ASAP1: variants seen among roughly 807,000 people sequenced by gnomAD.
The protein encoded by ASAP1 is ArfGAP with SH3 domain, ankyrin repeat and PH domain 1.
In ASAP1, 43 loss-of-function variants were observed where a neutral mutation model predicts 145.2. That is an observed-to-expected ratio of 0.30 (90% confidence interval 0.23 to 0.38). The LOEUF (loss-of-function observed/expected upper bound fraction) is 0.38, where lower values mean the gene tolerates loss of function less well. Ranked by LOEUF, ASAP1 falls within the 10% of genes least tolerant of loss-of-function variation. The pLI is 1.00. For missense variants in ASAP1, 1,018 were observed against 1,355.3 expected (o/e 0.75, Z 3.91); for synonymous variants, 546 against 515.5 (o/e 1.06, Z -0.80).
chr8:130,338,190 A>G (rs1825155632), intron 3 of ASAP1, among the ~76,000 whole-genome samples: 1 of 152,178 alleles, frequency 6.6e-6, no homozygotes. Context: ...CAGTTCAGAA[A>G]AAGGTATATA....
chr8:130,329,615 G>T (rs1824554296), intron 3 of ASAP1, among the ~76,000 whole-genome samples: 1 of 152,142 alleles, frequency 6.6e-6, no homozygotes, highest in African/African-American at 2.4e-5. Context: ...TATGTTACTG[G>T]CTCATAATAA....
chr8:130,180,899 T>A lies in ASAP1; in HGVS notation c.531-19A>T. ...TTTTGTACTGTAATTAAAGCCAATG[T>A]CATTATTTAAAAAAAAAAAATACAC... On this transcript the variant is annotated intron_variant, in intron 7 of 29. Coordinates refer to ENST00000518721, the MANE Select transcript of ASAP1 (RefSeq NM_018482.4). 1 of 1,530,112 alleles carries A rather than the reference T, an allele frequency of 6.5e-7. No individual in the cohort carries two copies. Among genetic ancestry groups the A allele is most frequent in the Non-Finnish European group, 8.7e-7 (1 of 1,148,678 alleles). The allele number at this position is 1,530,112 out of a possible 1,614,324, so 94.8% of individuals were successfully genotyped here.
intron 2 of ASAP1, among the ~76,000 whole-genome samples, chr8:130,382,505 G>A (rs1334042370): frequency 6.6e-6 from 1 of 152,168 alleles, no homozygotes; most frequent in Non-Finnish European, 1.5e-5. Context: ...AACTCACTCT[G>A]ACACAGGCAC....
chr8:130,282,904 TACA>T (rs1248621499), intron 3 of ASAP1, among the ~76,000 whole-genome samples: 1 of 152,204 alleles, frequency 6.6e-6, no homozygotes, highest in Admixed American at 6.5e-5. Flanking sequence ...GCGGCAAAGT[TACA>T]ACAACCTTCA....
chr8:130,187,322 CT>C, intron 6 of ASAP1, 37 bp from the exon 7 acceptor site: 1 of 1,519,528 alleles, frequency 6.6e-7, no homozygotes, highest in Non-Finnish European at 9.1e-7. Flanking sequence ...ATTGCAACTA[CT>C]TTTGCTGAAA....
chr8:130,095,839 G>C (rs938043656), intron 24 of ASAP1, among the ~76,000 whole-genome samples: 2 of 151,966 alleles, frequency 1.3e-5, no homozygotes, highest in African/African-American at 4.8e-5. Flanking sequence ...GGCTGGTCTT[G>C]AACTCCTGAC....
At chr8:130,329,520 G>A (rs752375063) in intron 3 of ASAP1, among the ~76,000 whole-genome samples, 4 of 152,142 alleles carry the variant, frequency 2.6e-5, no homozygotes, top group Non-Finnish European at 4.4e-5. Flanking sequence ...TCCTACAGAC[G>A]TAGAAAGTGG....
At chr8:130,213,524 G>C (rs897638873) in intron 5 of ASAP1, among the ~76,000 whole-genome samples, 4 of 152,186 alleles carry the variant, frequency 2.6e-5, no homozygotes, top group African/African-American at 9.7e-5. Context: ...TGTGATACAT[G>C]AATAACTGAC....
intron 3 of ASAP1, among the ~76,000 whole-genome samples, chr8:130,353,947 C>T (rs1826153161): frequency 6.6e-6 from 1 of 151,710 alleles, no homozygotes; most frequent in African/African-American, 2.4e-5. Flanking sequence ...AGTGCAGTGG[C>T]GTGATCCTGG....
At chr8:130,236,082 A>C (rs1818197280) in intron 4 of ASAP1, among the ~76,000 whole-genome samples, 1 of 152,122 alleles carries the variant, frequency 6.6e-6, no homozygotes, top group African/African-American at 2.4e-5. Context: ...GCAAGGACGA[A>C]AGCCCACATC....
At chr8:130,184,845 T>C (rs1489090675) in intron 7 of ASAP1, among the ~76,000 whole-genome samples, 1 of 152,200 alleles carries the variant, frequency 6.6e-6, no homozygotes, top group Non-Finnish European at 1.5e-5. Context: ...CACACTACCT[T>C]ATCTCGTCCT....
chr8:130,186,120 G>A (rs139877739), intron 7 of ASAP1, among the ~76,000 whole-genome samples: 91 of 152,106 alleles, frequency 6.0e-4, no homozygotes, highest in African/African-American at 2.1e-3. Context: ...TCTGGGCAGC[G>A]GCAGTACTTC....
chr8:130,074,054 C>T (rs2097456204), intron 27 of ASAP1, among the ~76,000 whole-genome samples: 1 of 151,450 alleles, frequency 6.6e-6, no homozygotes, highest in Non-Finnish European at 1.5e-5. Context: ...CACTTAGAGA[C>T]AAATCAATCA....
In ASAP1 at chr8:130,369,381, G is replaced by T. The variant is rs182562613; in HGVS notation, c.60-11238C>A. ...TTTGTATACAATGAAATATCAGAAA[G>T]CAAAAGTGTCAGCATCTCATGTTGG... On this transcript the variant is annotated intron_variant, in intron 2 of 29. Transcript: ENST00000518721. 4.8e-3 allele frequency among the ~76,000 whole-genome samples: 737 copies of T among 152,254 alleles called. 4 individuals are homozygous for T. The highest frequency in any genetic ancestry group is 0.011 in the South Asian group (54 of 4,828).
intron 3 of ASAP1, among the ~76,000 whole-genome samples, chr8:130,322,972 G>A (rs986147925): frequency 2.6e-5 from 4 of 152,310 alleles, no homozygotes; most frequent in Admixed American, 2.6e-4. Flanking sequence ...CAGGCTTTGT[G>A]AAGCACTAGG....
intron 27 of ASAP1, among the ~76,000 whole-genome samples, chr8:130,072,793 A>G (rs6992032): frequency 0.78 from 79,843 of 102,122 alleles, 31,449 homozygotes; most frequent in Middle Eastern, 0.89. Context: ...TGCAATTGAT[A>G]TGTGTGTGTG....
At chr8:130,331,046 G>A (rs1302755283) in intron 3 of ASAP1, among the ~76,000 whole-genome samples, 1 of 152,028 alleles carries the variant, frequency 6.6e-6, no homozygotes, top group African/African-American at 2.4e-5. Context: ...AGTTCCCCCA[G>A]CTGCAAAAAG....
chr8:130,194,097 G>C (rs1387210786), intron 5 of ASAP1, among the ~76,000 whole-genome samples: 1 of 152,166 alleles, frequency 6.6e-6, no homozygotes, highest in Non-Finnish European at 1.5e-5. Context: ...ATTCTTGAGG[G>C]CTGATAAGAA....
intron 1 of ASAP1, among the ~76,000 whole-genome samples, chr8:130,431,842 G>C (rs1207138608): frequency 6.9e-6 from 1 of 145,466 alleles, no homozygotes; most frequent in African/African-American, 2.6e-5. Flanking sequence ...GAAGGAGGAA[G>C]AAGACGAGGA....
Sources: gnomAD v4.1 joint callset for allele counts (sites outside exome capture counted in the v4.1 genomes callset) on GRCh38, gnomAD v4.1.1 for gene constraint, MANE v1.5 for transcripts, NCBI Gene and HGNC (gene_info 2026-07-23, HGNC 2026-07-21) for gene names.